The following FGF14 variants were observed in gnomAD, a reference collection of about 807,000 sequenced individuals.
The protein encoded by FGF14 is fibroblast growth factor homologous factor 4.
Under a neutral mutation model 25.5 loss-of-function variants are expected in FGF14, and 5 were observed. The observed-to-expected ratio is 0.20, with a 90% confidence interval of 0.10 to 0.41. The LOEUF is 0.41. Among genes scored for constraint, FGF14 ranks in the 10% least tolerant of loss-of-function variants. The pLI, the probability that FGF14 is intolerant of heterozygous loss-of-function variation, is 1.00. For missense variants in FGF14, 222 were observed against 320.1 expected, an observed-to-expected ratio of 0.69 and a Z score of 2.34; for synonymous variants, 138 against 118.3, an observed-to-expected ratio of 1.17 and a Z score of -1.08.
chr13:102,009,845 A>C (rs573635626), intron 1 of FGF14, among the ~76,000 whole-genome samples: 115 of 152,222 alleles, frequency 7.6e-4, no homozygotes, highest in South Asian at 1.7e-3. Context: ...CTTCCCCAAC[A>C]CATGTTTTAG....
chr13:101,962,392 T>C (rs2139466627), intron 1 of FGF14, among the ~76,000 whole-genome samples: 1 of 152,302 alleles, frequency 6.6e-6, no homozygotes, highest in Admixed American at 6.5e-5. Flanking sequence ...TGCTTATGAT[T>C]TTTGCACATT....
chr13:101,765,326 C>A (rs1442465603), intron 3 of FGF14, among the ~76,000 whole-genome samples: 1 of 152,174 alleles, frequency 6.6e-6, no homozygotes, highest in Non-Finnish European at 1.5e-5. Flanking sequence ...CTGTTTGGGT[C>A]AATTCAATGC....
At chr13:102,317,904 C>T (rs1325167029) in intron 1 of FGF14, among the ~76,000 whole-genome samples, 1 of 152,136 alleles carries the variant, frequency 6.6e-6, no homozygotes, top group African/African-American at 2.4e-5. Flanking sequence ...AGTAAGCTGC[C>T]CTATTTAGAG....
intron 1 of FGF14, among the ~76,000 whole-genome samples, chr13:101,943,826 A>ATATATATATATATATATATATAT (rs1248619839): frequency 7.9e-6 from 1 of 126,808 alleles, no homozygotes; most frequent in African/African-American, 3.4e-5. Context: ...AAAAAAAAAA[A>ATATATATATATATATATATATAT]ATATATATAT....
chr13:102,383,856 T>C (rs1481343979), intron 1 of FGF14, among the ~76,000 whole-genome samples: 7 of 152,178 alleles, frequency 4.6e-5, no homozygotes, highest in Admixed American at 3.9e-4. Flanking sequence ...CAGGAAGGGT[T>C]GGGTGTGAAA....
intron 3 of FGF14, among the ~76,000 whole-genome samples, chr13:101,731,130 A>G (rs1055831535): frequency 2.0e-5 from 3 of 152,164 alleles, no homozygotes; most frequent in African/African-American, 7.2e-5. Flanking sequence ...GAACCAAAGA[A>G]AGAGGAGCCC....
At chr13:102,058,521 G>A (rs1232818440) in intron 1 of FGF14, among the ~76,000 whole-genome samples, 2 of 152,088 alleles carry the variant, frequency 1.3e-5, no homozygotes, top group Admixed American at 6.5e-5. Flanking sequence ...AATGAAACTG[G>A]TATTTTATTA....
At position 101,856,301 on chromosome 13, in the gene FGF14, A is replaced by C. The variant is rs545365209; in HGVS notation, c.408+12424T>G. On this transcript the variant is annotated intron_variant, in intron 3 of 4. Coordinates refer to ENST00000376143, the MANE Select transcript of FGF14 (RefSeq NM_004115.4). ...AATATTGCTAGAAATATAGATTTCT[A>C]ATTGATATTTTTGAAAAATAGTGTA... Among the ~76,000 whole-genome samples the C allele has an allele frequency of 2.0e-5, 3 of 152,014 alleles. No homozygotes were observed. In the South Asian group the frequency reaches 6.2e-4, roughly 32 times the overall value.
chr13:102,182,072 G>A (rs2048697613), intron 1 of FGF14, among the ~76,000 whole-genome samples: 1 of 152,072 alleles, frequency 6.6e-6, no homozygotes, highest in Non-Finnish European at 1.5e-5. Context: ...CTAACTCCTG[G>A]ACCCTGCATT....
intron 1 of FGF14, among the ~76,000 whole-genome samples, chr13:102,284,336 T>C (rs564594939): frequency 3.9e-5 from 6 of 152,324 alleles, no homozygotes; most frequent in African/African-American, 1.4e-4. Context: ...ATAAAATTTG[T>C]TGATGACGGG....
intron 3 of FGF14, among the ~76,000 whole-genome samples, chr13:101,757,364 T>C (rs569452767): frequency 1.3e-5 from 2 of 152,262 alleles, no homozygotes; most frequent in African/African-American, 2.4e-5. Flanking sequence ...ATATTTTGAA[T>C]TGGAATTGAA....
intron 3 of FGF14, among the ~76,000 whole-genome samples, chr13:101,739,081 C>T (rs994933218): frequency 7.5e-6 from 1 of 133,466 alleles, no homozygotes; most frequent in South Asian, 2.5e-4. Context: ...TAGTCTCATA[C>T]TTTAACAGTA....
intron 1 of FGF14, among the ~76,000 whole-genome samples, chr13:102,053,245 C>T (rs1183186743): frequency 1.3e-5 from 2 of 151,882 alleles, no homozygotes; most frequent in Non-Finnish European, 2.9e-5. Context: ...AATCAAAAGA[C>T]GTAGAGTGGC....
At chr13:102,232,886 G>T (rs1183129712) in intron 1 of FGF14, among the ~76,000 whole-genome samples, 1 of 152,136 alleles carries the variant, frequency 6.6e-6, no homozygotes, top group Non-Finnish European at 1.5e-5. Flanking sequence ...ATCTTGAAAT[G>T]TGCTTATATA....
chr13:102,270,920 G>A (rs909722980), intron 1 of FGF14, among the ~76,000 whole-genome samples: 10 of 152,132 alleles, frequency 6.6e-5, no homozygotes, highest in Non-Finnish European at 8.8e-5. Context: ...AAGTATCATT[G>A]TTACCACTGA....
At chr13:102,041,957 C>T (rs546400) in intron 1 of FGF14, among the ~76,000 whole-genome samples, 82,745 of 151,980 alleles carry the variant, frequency 0.54, 25,706 homozygotes, top group African/African-American at 0.84. Flanking sequence ...CACATCTTAA[C>T]ACTGTGACCA....
rs2044966222 is a variant in FGF14, at chr13:101,870,079, G to C, written c.305-1251C>G. ...ACTCAGGGGCATCTATGGTTAGTTGGATATTAGTTTCACTACGTAAACTAA... is the reference window on the plus strand; with the variant it reads ...ACTCAGGGGCATCTATGGTTAGTTGCATATTAGTTTCACTACGTAAACTAA... On this transcript the variant is annotated intron_variant, in intron 2 of 4. Coordinates refer to ENST00000376143, the MANE Select transcript of FGF14 (RefSeq NM_004115.4). 2.6e-5 allele frequency among the ~76,000 whole-genome samples: 4 copies of C among 152,098 alleles called. No individual in the cohort carries two copies. In the South Asian group the frequency reaches 6.2e-4, roughly 24 times the overall value.
At chr13:101,763,715 C>A (rs1353609029) in intron 3 of FGF14, among the ~76,000 whole-genome samples, 2 of 152,074 alleles carry the variant, frequency 1.3e-5, no homozygotes, top group Non-Finnish European at 2.9e-5. Flanking sequence ...CAAAAACTAG[C>A]CAGGTGTGGT....
At chr13:102,161,326 A>G (rs1048126372) in intron 1 of FGF14, among the ~76,000 whole-genome samples, 3 of 152,124 alleles carry the variant, frequency 2.0e-5, no homozygotes, top group African/African-American at 7.2e-5. Context: ...ATGAATTATT[A>G]TCATTCTCAA....
Sources: gnomAD v4.1 joint callset for allele counts (sites outside exome capture counted in the v4.1 genomes callset) on GRCh38, gnomAD v4.1.1 for gene constraint, MANE v1.5 for transcripts, NCBI Gene and HGNC (gene_info 2026-07-23, HGNC 2026-07-21) for gene names.